Variants in ADAMTS9 observed in about 807,000 individuals in gnomAD.
ADAMTS9 encodes ADAM metallopeptidase with thrombospondin type 1 motif 9, also known as A disintegrin and metalloproteinase with thrombospondin motifs 9.
A neutral mutation model predicts 257.1 loss-of-function variants in ADAMTS9; 107 were observed. The observed-to-expected ratio is 0.42, with a 90% CI of 0.36 to 0.49. ADAMTS9 has a LOEUF of 0.49. Among genes scored for constraint, ADAMTS9 ranks in the 20% least tolerant of loss-of-function variants. The pLI is 0.03. For synonymous variants in ADAMTS9, 982 were observed against 880.9 expected, an observed-to-expected ratio of 1.11 and a Z score of -2.03; for missense variants, 2,353 against 2,469.1, an observed-to-expected ratio of 0.95 and a Z score of 1.00.
chr3:64,543,376 C>G (rs1176258211), intron 32 of ADAMTS9, among the ~76,000 whole-genome samples: 2 of 152,198 alleles, frequency 1.3e-5, no homozygotes, highest in Admixed American at 1.3e-4. Context: ...TCATAAAATA[C>G]TGGCAAACCG....
chr3:64,678,504 G>A, intron 3 of ADAMTS9, among the ~76,000 whole-genome samples: 1 of 152,124 alleles, frequency 6.6e-6, no homozygotes, highest in South Asian at 2.1e-4. Flanking sequence ...AGAGGGGTTA[G>A]TTTTGTTTTG....
intron 3 of ADAMTS9, among the ~76,000 whole-genome samples, chr3:64,676,974 A>G (rs1199736090): frequency 6.6e-6 from 1 of 152,198 alleles, no homozygotes; most frequent in Non-Finnish European, 1.5e-5. Context: ...GGAAGCACTG[A>G]TAAGAACCAC....
chr3:64,646,580 G>A (rs9830450), intron 11 of ADAMTS9, among the ~76,000 whole-genome samples: 79,330 of 152,066 alleles, frequency 0.52, 21,313 homozygotes, highest in East Asian at 0.88. Context: ...TGTATTCTCA[G>A]TTGATGAGGT....
intron 22 of ADAMTS9, 63 bp downstream of exon 22, chr3:64,613,282 G>A (rs2084701337): frequency 1.9e-6 from 3 of 1,567,628 alleles, no homozygotes; most frequent in African/African-American, 1.4e-5. Context: ...ATGCTCCTTT[G>A]CAAGTCCTCT....
At chr3:64,603,435 T>A (rs1178528775) in intron 25 of ADAMTS9, among the ~76,000 whole-genome samples, 1 of 152,120 alleles carries the variant, frequency 6.6e-6, no homozygotes, top group African/African-American at 2.4e-5. Flanking sequence ...AACCCATAGA[T>A]AGTGCTTGGT....
rs1463982526 is a variant in ADAMTS9 at position 64,602,075 on chromosome 3, G to A, written c.3886C>T (p.Pro1296Ser). The change falls in exon 26 of 40, where the codon CCT becomes TCT. Residue 1296 changes from proline to serine, a missense_variant. This residue lies in a region of ADAMTS9 where 1,402 missense variants were observed against 1,441.4 expected (regional missense o/e 0.97). Transcript: ENST00000498707. ...AAGCCACTGTCTGGGGTCCTTTGAGGGCATGGTGACATGGAACAGTCCTGG... is the reference window on the plus strand; with the variant it reads ...AAGCCACTGTCTGGGGTCCTTTGAGAGCATGGTGACATGGAACAGTCCTGG... Reference protein sequence around the residue: ...TDQDCSMSPCPQRTPDSGLAQ... With the variant: ...TDQDCSMSPCSQRTPDSGLAQ... 1.2e-6 allele frequency: 2 copies of A among 1,614,042 alleles called. No homozygotes were observed. The highest frequency in any genetic ancestry group is 1.7e-6 in the Non-Finnish European group (2 of 1,179,978).
intron 3 of ADAMTS9, among the ~76,000 whole-genome samples, chr3:64,660,843 G>A (rs892398734): frequency 2.6e-5 from 4 of 152,180 alleles, no homozygotes; most frequent in Non-Finnish European, 5.9e-5. Context: ...GCATGCTGAG[G>A]TTGTTAAGGT....
chr3:64,523,556 T>C (rs907047710), intron 38 of ADAMTS9, among the ~76,000 whole-genome samples: 4 of 152,318 alleles, frequency 2.6e-5, no homozygotes, highest in African/African-American at 7.2e-5. Flanking sequence ...GTGTGGAGCA[T>C]AAAAAGCTTT....
rs1385469487 is a variant in ADAMTS9 at position 64,622,533 on chromosome 3, T to A, written c.2443A>T (p.Met815Leu). Residue 815 changes from methionine to leucine, a missense_variant, in exon 17 of 40, where the codon ATG becomes TTG. Met to Leu is a conservative substitution (Grantham distance 15). Around this residue, in one of 3 missense-constraint regions of ADAMTS9, gnomAD observed 360 missense variants for 458.1 expected, o/e 0.79. Transcript: ENST00000498707. ...CCAATGCGAATTTCCCTTTTGGCCA[T>A]TGTGACAACAAAGTTTCCATTTAGC... ...FLLNGNFVVTMAKREIRIGNA... is the reference protein window; with the variant it reads ...FLLNGNFVVTLAKREIRIGNA... 6.2e-7 allele frequency: 1 copy of A among 1,614,104 alleles called. No individual in the cohort carries two copies. Among genetic ancestry groups the A allele is most frequent in the Non-Finnish European group, 8.5e-7 (1 of 1,179,968 alleles).
intron 22 of ADAMTS9, among the ~76,000 whole-genome samples, chr3:64,610,904 G>A (rs1057301996): frequency 8.6e-5 from 13 of 151,534 alleles, no homozygotes; most frequent in Middle Eastern, 3.4e-3. Flanking sequence ...GTGAAACCCC[G>A]TCTCTACTAA....
intron 22 of ADAMTS9, among the ~76,000 whole-genome samples, chr3:64,611,524 T>A (rs192534848): frequency 6.6e-6 from 1 of 152,170 alleles, no homozygotes; most frequent in African/African-American, 2.4e-5. Flanking sequence ...GTCCCCAGAC[T>A]TTTGGGCACC....
intron 18 of ADAMTS9, among the ~76,000 whole-genome samples, chr3:64,621,728 C>T (rs1367698942): frequency 6.7e-6 from 1 of 150,322 alleles, no homozygotes; most frequent in African/African-American, 2.5e-5. Context: ...TGCCACTGCA[C>T]TCCAGCCTGG....
chr3:64,658,757 TTTC>T lies in ADAMTS9; in HGVS notation c.711_713del (p.Lys238del), dbSNP rs776603207. 2 of 1,614,146 alleles carry T rather than the reference TTTC, an allele frequency of 1.2e-6. No individual in the cohort carries two copies. The highest frequency in any genetic ancestry group is 3.3e-5 in the Admixed American group (2 of 60,010). The stretch of plus-strand genomic sequence containing the variant: ...TTTCTCCCCATTTTCTTGCTCTGGT[TTTC>T]TTCTTGTCTTTACTGTGCCTATTTT... On this transcript the variant is annotated inframe_deletion, in exon 4 of 40. Transcript: ENST00000498707.
intron 37 of ADAMTS9, among the ~76,000 whole-genome samples, chr3:64,535,547 CTTTTCTT>C (rs1366929693): frequency 4.8e-4 from 57 of 119,782 alleles, no homozygotes; most frequent in African/African-American, 1.7e-3. Flanking sequence ...CTTTTCTTTT[CTTTTCTT>C]TTTTTTTTTT....
chr3:64,642,031 G>C (rs886184690), intron 11 of ADAMTS9, 38 bp from the exon 12 acceptor site: 3 of 1,610,474 alleles, frequency 1.9e-6, no homozygotes, highest in Non-Finnish European at 2.5e-6. Context: ...GAGACTTGGC[G>C]CTGTGAGTTG....
intron 19 of ADAMTS9, among the ~76,000 whole-genome samples, chr3:64,618,910 G>C (rs989909235): frequency 6.6e-6 from 1 of 152,060 alleles, no homozygotes; most frequent in Admixed American, 6.6e-5. Flanking sequence ...ATGTCTAAAG[G>C]CTTCCAATGC....
intron 38 of ADAMTS9, among the ~76,000 whole-genome samples, chr3:64,526,066 C>A (rs2082906451): frequency 7.0e-6 from 1 of 143,210 alleles, no homozygotes; most frequent in Admixed American, 6.9e-5. Context: ...ATATGCTATA[C>A]TATATATTAT....
At chr3:64,558,853 T>C (rs777271624) in intron 30 of ADAMTS9, among the ~76,000 whole-genome samples, 3 of 152,158 alleles carry the variant, frequency 2.0e-5, no homozygotes, top group Non-Finnish European at 2.9e-5. Flanking sequence ...TCCCATTCAG[T>C]GGGCTGAGAG....
At chr3:64,662,756 A>G (rs1209060511) in intron 3 of ADAMTS9, among the ~76,000 whole-genome samples, 1 of 152,126 alleles carries the variant, frequency 6.6e-6, no homozygotes, top group Non-Finnish European at 1.5e-5. Context: ...TGGGAAATCT[A>G]CAGAGACAGA....
Sources: allele counts gnomAD v4.1 joint callset (sites outside exome capture counted in the v4.1 genomes callset), GRCh38; gene constraint gnomAD v4.1.1; regional missense constraint gnomAD v4.1.1; transcripts MANE v1.5; gene names NCBI Gene and HGNC (gene_info 2026-07-23, HGNC 2026-07-21).